Variants in GPATCH8 observed in about 807,000 individuals in gnomAD.
The protein encoded by GPATCH8 is G patch domain-containing protein 8.
Under a neutral mutation model 118.3 loss-of-function variants are expected in GPATCH8, and 18 were observed. That is an observed-to-expected ratio of 0.15 (90% CI 0.11 to 0.23). The LOEUF (loss-of-function observed/expected upper bound fraction) is 0.23, where lower values mean the gene tolerates loss of function less well. GPATCH8 is among the 10% of genes least tolerant of loss of function. GPATCH8 has a pLI of 1.00. For missense variants in GPATCH8, 1,631 were observed against 1,873.8 expected (o/e 0.87, Z 2.39); for synonymous variants, 659 against 684.7 (o/e 0.96, Z 0.59).
intron 1 of GPATCH8, among the ~76,000 whole-genome samples, chr17:44,488,386 T>C (rs1386754831): frequency 6.6e-6 from 1 of 151,566 alleles, no homozygotes; most frequent in Non-Finnish European, 1.5e-5. Context: ...TTTATTTTTT[T>C]GAGATGGAGT....
At chr17:44,432,625 A>AGAGGT (rs1406818722) in intron 5 of GPATCH8, among the ~76,000 whole-genome samples, 2 of 152,320 alleles carry the variant, frequency 1.3e-5, no homozygotes, top group East Asian at 1.9e-4. Flanking sequence ...AAGTGCTGTG[A>AGAGGT]GAGGTAAACA....
At chr17:44,476,240 T>C (rs1249232714) in intron 1 of GPATCH8, among the ~76,000 whole-genome samples, 2 of 152,106 alleles carry the variant, frequency 1.3e-5, no homozygotes, top group East Asian at 1.9e-4. Flanking sequence ...AGTCTCACTC[T>C]GTAGCCCAAG....
chr17:44,401,232 C>T lies in GPATCH8; in HGVS notation c.845G>A (p.Gly282Asp), dbSNP rs778630535. 6.2e-6 allele frequency: 10 copies of T among 1,613,944 alleles called. No homozygotes were observed. The highest frequency in any genetic ancestry group is 4.2e-6 in the Non-Finnish European group (5 of 1,179,850). The change falls in exon 8 of 8, where the codon GGC becomes GAC. Residue 282 changes from glycine to aspartate, a missense_variant. Coordinates refer to ENST00000591680, the MANE Select transcript of GPATCH8 (RefSeq NM_001002909.4). Reference protein sequence around the residue: ...LAQAPGLASQGISFGIKNNLG... With the variant: ...LAQAPGLASQDISFGIKNNLG... ...ATTATTCTTAATGCCAAAGCTGATG[C>T]CTTGGGAGGCTAACCCAGGAGCCTG... is the stretch of plus-strand genomic sequence containing the variant.
chr17:44,468,226 G>A (rs2144330811), intron 2 of GPATCH8, among the ~76,000 whole-genome samples: 1 of 151,964 alleles, frequency 6.6e-6, no homozygotes, highest in Non-Finnish European at 1.5e-5. Context: ...GCCTGCCTTG[G>A]CTTCCCCAAG....
At chr17:44,402,567 C>T (rs770118351) in intron 7 of GPATCH8, among the ~76,000 whole-genome samples, 2 of 151,826 alleles carry the variant, frequency 1.3e-5, no homozygotes, top group African/African-American at 4.8e-5. Context: ...GAGGATTGCT[C>T]GAGGCCAGGA....
At chr17:44,456,551 G>T (rs897960074) in intron 3 of GPATCH8, among the ~76,000 whole-genome samples, 2 of 152,062 alleles carry the variant, frequency 1.3e-5, no homozygotes, top group Admixed American at 6.5e-5. Flanking sequence ...TAAGCACAAG[G>T]TGGGAAGACT....
Position 44,465,331 on chromosome 17 carries a change from C to T in GPATCH8, c.121-787G>A, listed in dbSNP as rs570870852. 8 of 152,110 alleles carry T rather than the reference C, an allele frequency of 5.3e-5. No homozygotes were observed. In the East Asian group the frequency reaches 1.5e-3, roughly 29 times the overall value. 9.4% of individuals were successfully genotyped at this position (152,110 alleles called of 1,614,324 possible). A position where few individuals can be genotyped will look rare whatever the true frequency, so the allele number is the denominator to read the frequency against. ...CCATTAGTGCATGTAGGGGTAGAAACCAACATACATAATGTCTCATCTTCC... is the reference window on the plus strand; with the variant it reads ...CCATTAGTGCATGTAGGGGTAGAAATCAACATACATAATGTCTCATCTTCC... On this transcript the variant is annotated intron_variant, in intron 2 of 7. Coordinates refer to ENST00000591680, the MANE Select transcript of GPATCH8 (RefSeq NM_001002909.4).
chr17:44,418,769 T>C (rs1395025095), intron 6 of GPATCH8, among the ~76,000 whole-genome samples: 1 of 152,202 alleles, frequency 6.6e-6, no homozygotes, highest in Non-Finnish European at 1.5e-5. Context: ...CTAATGTCTA[T>C]TGAGCATTCA....
In GPATCH8 at chr17:44,398,789, C is replaced by T; in HGVS notation, c.3288G>A (p.Lys1096=). The change falls in exon 8 of 8, where the codon AAG becomes AAA. Residue 1096 remains lysine, a synonymous_variant. Coordinates refer to ENST00000591680, the MANE Select transcript of GPATCH8 (RefSeq NM_001002909.4). ...NSVTAKLLLE[K]IQSRKVERKP... ...TCCTCTCCACTTTCCTTGACTGGAT[C>T]TTCTCCAGTAGCAGTTTGGCAGTGA... 1 of 1,613,112 alleles carries T rather than the reference C, an allele frequency of 6.2e-7. No homozygotes were observed. The highest frequency in any genetic ancestry group is 8.5e-7 in the Non-Finnish European group (1 of 1,179,106).
intron 3 of GPATCH8, among the ~76,000 whole-genome samples, chr17:44,444,485 A>G (rs962533985): frequency 6.6e-6 from 1 of 152,106 alleles, no homozygotes; most frequent in Non-Finnish European, 1.5e-5. Flanking sequence ...TTAAAGAAAA[A>G]AAAAAGGCCA....
At chr17:44,423,098 G>A (rs1050472649) in intron 6 of GPATCH8, among the ~76,000 whole-genome samples, 3 of 151,908 alleles carry the variant, frequency 2.0e-5, no homozygotes, top group African/African-American at 7.3e-5. Flanking sequence ...AAAATTAGCT[G>A]GGCATGGTGG....
At position 44,398,969 on chromosome 17, in the gene GPATCH8, G is replaced by A. The variant is rs1222802567; in HGVS notation, c.3108C>T (p.Pro1036=). The stretch of plus-strand genomic sequence containing the variant: ...CTCCCCGGCCTGATCGGAAATAGTG[G>A]GGGGACTGGGAGCGGTAGATCTTAG... ...IRSKIYRSQS[P]HYFRSGRGEG... Residue 1036 remains proline, a synonymous_variant, in exon 8 of 8, where the codon CCC becomes CCT. Coordinates refer to ENST00000591680, the MANE Select transcript of GPATCH8 (RefSeq NM_001002909.4). The A allele has an allele frequency of 2.7e-5, 43 of 1,614,108 alleles. No homozygotes were observed. Among genetic ancestry groups the A allele is most frequent in the Non-Finnish European group, 3.5e-5 (41 of 1,180,010 alleles).
At chr17:44,427,825 G>C (rs2050143025) in intron 5 of GPATCH8, among the ~76,000 whole-genome samples, 1 of 152,066 alleles carries the variant, frequency 6.6e-6, no homozygotes, top group Non-Finnish European at 1.5e-5. Context: ...GCTTTTTATT[G>C]CTTATAGTAC....
chr17:44,411,872 C>A (rs1005913623), intron 6 of GPATCH8, among the ~76,000 whole-genome samples: 4 of 152,040 alleles, frequency 2.6e-5, no homozygotes, highest in African/African-American at 9.7e-5. Flanking sequence ...GTAAAAGGAT[C>A]GCTTGAGGAC....
intron 3 of GPATCH8, among the ~76,000 whole-genome samples, chr17:44,452,779 A>C (rs931977951): frequency 3.9e-5 from 6 of 152,132 alleles, no homozygotes; most frequent in African/African-American, 1.4e-4. Context: ...TGGAACCCTA[A>C]AAATAAATTT....
At chr17:44,455,202 T>C (rs537049471) in intron 3 of GPATCH8, among the ~76,000 whole-genome samples, 2 of 152,248 alleles carry the variant, frequency 1.3e-5, no homozygotes, top group Non-Finnish European at 2.9e-5. Context: ...TCCAAAACTT[T>C]CCATTTATAA....
chr17:44,451,747 T>C (rs1598526265), intron 3 of GPATCH8, among the ~76,000 whole-genome samples: 1 of 152,210 alleles, frequency 6.6e-6, no homozygotes, highest in African/African-American at 2.4e-5. Flanking sequence ...GAAGAATATA[T>C]ATGACCACTT....
At chr17:44,495,416 G>T (rs767538631) in intron 1 of GPATCH8, among the ~76,000 whole-genome samples, 1 of 152,176 alleles carries the variant, frequency 6.6e-6, no homozygotes, top group Admixed American at 6.5e-5. Context: ...GCATTTATTA[G>T]CTATACTGTT....
intron 1 of GPATCH8, among the ~76,000 whole-genome samples, chr17:44,488,721 G>C (rs1598626935): frequency 6.6e-6 from 1 of 152,102 alleles, no homozygotes; most frequent in East Asian, 1.9e-4. Flanking sequence ...AGGGAATATA[G>C]TGAGTGGTAT....
Sources: allele counts gnomAD v4.1 joint callset (sites outside exome capture counted in the v4.1 genomes callset), GRCh38; gene constraint gnomAD v4.1.1; transcripts MANE v1.5; gene names NCBI Gene and HGNC (gene_info 2026-07-23, HGNC 2026-07-21).